The following TBC1D19 variants were observed in gnomAD, a reference collection of about 807,000 sequenced individuals.
The protein encoded by TBC1D19 is TBC1 domain family, member 19.
TBC1D19 carries 60 observed loss-of-function variants against 89.0 expected under a neutral mutation model. The observed-to-expected ratio is 0.67, with a 90% CI of 0.55 to 0.84. The LOEUF (loss-of-function observed/expected upper bound fraction) is 0.84. Among genes scored for constraint, TBC1D19 ranks in the 40% least tolerant of loss-of-function variants. The pLI, the probability that TBC1D19 is intolerant of heterozygous loss-of-function variation, is 0.00. For missense variants in TBC1D19, 500 were observed against 610.8 expected, an observed-to-expected ratio of 0.82 and a Z score of 1.91; for synonymous variants, 189 against 199.7, an observed-to-expected ratio of 0.95 and a Z score of 0.45.
chr4:26,644,905 G>A (rs1339295097), intron 7 of TBC1D19, among the ~76,000 whole-genome samples: 1 of 152,140 alleles, frequency 6.6e-6, no homozygotes, highest in Non-Finnish European at 1.5e-5. Flanking sequence ...ACAAACCACT[G>A]TTCAATGAAA....
chr4:26,595,316 A>G (rs994262242), intron 1 of TBC1D19, among the ~76,000 whole-genome samples: 2 of 152,094 alleles, frequency 1.3e-5, no homozygotes, highest in Non-Finnish European at 2.9e-5. Context: ...AATTTTTTGT[A>G]TACTTGGGTA....
the TBC1D19 span, among the ~76,000 whole-genome samples, chr4:26,809,955 A>C: frequency 5.9e-5 from 9 of 152,190 alleles, no homozygotes; most frequent in East Asian, 9.7e-4. Flanking sequence ...CCTATCACTC[A>C]CTGTTCTTGT....
At chr4:26,718,895 C>T (rs947981881) in intron 14 of TBC1D19, among the ~76,000 whole-genome samples, 4 of 152,048 alleles carry the variant, frequency 2.6e-5, no homozygotes, top group African/African-American at 9.7e-5. Context: ...ACTGTCCTAA[C>T]CTAACTAACT....
chr4:26,687,221 GT>G (rs1195717382), intron 12 of TBC1D19, among the ~76,000 whole-genome samples: 31 of 152,096 alleles, frequency 2.0e-4, no homozygotes, highest in Non-Finnish European at 4.3e-4. Flanking sequence ...AGGGCTTTTG[GT>G]GAATTTTTTT....
At chr4:26,787,287 A>G in the TBC1D19 span, among the ~76,000 whole-genome samples, 993 of 152,096 alleles carry the variant, frequency 6.5e-3, 6 homozygotes, top group African/African-American at 0.023. Flanking sequence ...ATTTTAATAG[A>G]GACGGGGTTT....
At chr4:26,753,467 C>CA (rs1719091037) in intron 19 of TBC1D19, among the ~76,000 whole-genome samples, 2 of 151,906 alleles carry the variant, frequency 1.3e-5, no homozygotes, top group South Asian at 4.2e-4. Flanking sequence ...CCATCTCTAC[C>CA]AAAAAACAAA....
the TBC1D19 span, among the ~76,000 whole-genome samples, chr4:26,782,990 C>T: frequency 6.6e-6 from 1 of 152,078 alleles, no homozygotes; most frequent in Non-Finnish European, 1.5e-5. Flanking sequence ...AAATATTGTT[C>T]CTAAAGAACA....
intron 12 of TBC1D19, among the ~76,000 whole-genome samples, chr4:26,686,533 T>C (rs1713827053): frequency 6.6e-6 from 1 of 152,180 alleles, no homozygotes; most frequent in African/African-American, 2.4e-5. Context: ...ATCACGCTCC[T>C]GGAGAGAAAG....
chr4:26,745,655 C>T (rs1248669428), intron 18 of TBC1D19, among the ~76,000 whole-genome samples: 14 of 151,068 alleles, frequency 9.3e-5, no homozygotes, highest in African/African-American at 2.7e-4. Flanking sequence ...TACAGGTGCA[C>T]GCCACCATGC....
the TBC1D19 span, among the ~76,000 whole-genome samples, chr4:26,762,647 C>T: frequency 1.4e-4 from 22 of 152,226 alleles, no homozygotes; most frequent in East Asian, 7.7e-4. Flanking sequence ...GTTACCTTAC[C>T]GGCAAAAGGG....
intron 13 of TBC1D19, among the ~76,000 whole-genome samples, chr4:26,694,700 A>G (rs1444352700): frequency 2.0e-5 from 3 of 152,212 alleles, no homozygotes; most frequent in Non-Finnish European, 2.9e-5. Flanking sequence ...TGAAGCTTCC[A>G]GAGGAATGAT....
chr4:26,653,983 A>G (rs1000838349), intron 7 of TBC1D19, among the ~76,000 whole-genome samples: 3 of 152,122 alleles, frequency 2.0e-5, no homozygotes, highest in African/African-American at 7.2e-5. Context: ...GGTCTTTACA[A>G]TTTGCCACGT....
rs1447806839 is a variant in TBC1D19 at position 26,703,268 on chromosome 4, TTA to T, written c.955-14664_955-14663del. Among the ~76,000 whole-genome samples, 3 of 152,246 alleles carry T rather than the reference TTA, an allele frequency of 2.0e-5. No homozygotes were observed. The East Asian group carries it at 5.8e-4, about 29-fold the overall frequency. On this transcript the variant is annotated intron_variant, in intron 13 of 20. Coordinates refer to ENST00000264866, the MANE Select transcript of TBC1D19 (RefSeq NM_018317.4). ...TACTTTTTAATTATTCATTTTACAA[TTA>T]GTCTGAATTATTAGAAATTTATTTT...
chr4:26,801,961 G>A, the TBC1D19 span, among the ~76,000 whole-genome samples: 1 of 152,054 alleles, frequency 6.6e-6, no homozygotes, highest in East Asian at 1.9e-4. Context: ...TTTGTGATTG[G>A]AAATACAGTA....
At chr4:26,718,164 C>G in intron 14 of TBC1D19, 147 bp downstream of exon 14, 1 of 596,724 alleles carries the variant, frequency 1.7e-6, no homozygotes, top group Non-Finnish European at 2.8e-6. Flanking sequence ...CCTTTCATAC[C>G]TCAAATCAGT....
At chr4:26,636,833 T>C (rs972432454) in intron 4 of TBC1D19, among the ~76,000 whole-genome samples, 3 of 152,142 alleles carry the variant, frequency 2.0e-5, no homozygotes, top group African/African-American at 7.2e-5. Context: ...ACTAGATCAT[T>C]AATGAGATTC....
intron 13 of TBC1D19, among the ~76,000 whole-genome samples, chr4:26,707,321 A>G (rs1405439620): frequency 6.6e-6 from 1 of 151,800 alleles, no homozygotes; most frequent in African/African-American, 2.4e-5. Context: ...CTTTTATTTA[A>G]AGTCTATTTT....
chr4:26,606,970 T>C (rs899563737), intron 1 of TBC1D19, among the ~76,000 whole-genome samples: 2 of 152,178 alleles, frequency 1.3e-5, no homozygotes, highest in African/African-American at 4.8e-5. Context: ...AGATTAGAAA[T>C]TTAAGATTGC....
At chr4:26,665,874 G>A (rs1464136992) in intron 8 of TBC1D19, among the ~76,000 whole-genome samples, 5 of 151,998 alleles carry the variant, frequency 3.3e-5, no homozygotes, top group African/African-American at 4.8e-5. Context: ...ACCTAAAAAG[G>A]CAAAATCAAG....
Sources: gnomAD v4.1 joint callset for allele counts (sites outside exome capture counted in the v4.1 genomes callset) on GRCh38, gnomAD v4.1.1 for gene constraint, MANE v1.5 for transcripts, NCBI Gene and HGNC (gene_info 2026-07-23, HGNC 2026-07-21) for gene names.